Variants in PLD5 observed in about 807,000 individuals in gnomAD.
PLD5 encodes the protein phospholipase D family member 5.
PLD5 carries 36 observed loss-of-function variants against 61.1 expected under a neutral mutation model. The ratio of observed to expected loss-of-function variants is 0.59; its 90% confidence interval spans 0.45 to 0.78. The LOEUF (loss-of-function observed/expected upper bound fraction) is 0.78. PLD5 is among the 30% of genes least tolerant of loss of function. PLD5 has a pLI of 0.00. For synonymous variants in PLD5, 243 were observed against 242.8 expected, an observed-to-expected ratio of 1.00 and a Z score of -0.01; for missense variants, 515 against 644.4, an observed-to-expected ratio of 0.80 and a Z score of 2.17.
At chr1:242,094,425 G>A (rs1273077609) in intron 9 of PLD5, among the ~76,000 whole-genome samples, 1 of 152,156 alleles carries the variant, frequency 6.6e-6, no homozygotes, top group African/African-American at 2.4e-5. Context: ...TAAGTCTTGT[G>A]AAAACTTAGT....
intron 1 of PLD5, among the ~76,000 whole-genome samples, chr1:242,436,513 A>T (rs562024867): frequency 6.6e-6 from 1 of 152,328 alleles, no homozygotes; most frequent in African/African-American, 2.4e-5. Flanking sequence ...CAACACAACT[A>T]TGTTAATTAT....
chr1:242,126,266 C>A (rs1027864545), intron 5 of PLD5, among the ~76,000 whole-genome samples: 7 of 152,130 alleles, frequency 4.6e-5, no homozygotes, highest in African/African-American at 7.2e-5. Flanking sequence ...CAATGCAATT[C>A]CCATCAAAAT....
chr1:242,372,606 T>A (rs1453259830), intron 1 of PLD5, among the ~76,000 whole-genome samples: 1 of 152,006 alleles, frequency 6.6e-6, no homozygotes, highest in African/African-American at 2.4e-5. Context: ...TATAGACCAA[T>A]CAAACAGAAC....
intron 3 of PLD5, among the ~76,000 whole-genome samples, chr1:242,274,608 G>T (rs1674305236): frequency 6.6e-6 from 1 of 152,136 alleles, no homozygotes; most frequent in Admixed American, 6.5e-5. Context: ...CAAAAAATTA[G>T]CCAGGTGTGG....
At chr1:242,199,265 G>A (rs933630781) in intron 5 of PLD5, among the ~76,000 whole-genome samples, 1 of 151,450 alleles carries the variant, frequency 6.6e-6, no homozygotes, top group Non-Finnish European at 1.5e-5. Context: ...TATATTTATG[G>A]GGTTTTTGAG....
intron 1 of PLD5, among the ~76,000 whole-genome samples, chr1:242,496,470 A>G (rs965733353): frequency 6.6e-6 from 1 of 152,252 alleles, no homozygotes; most frequent in Non-Finnish European, 1.5e-5. Flanking sequence ...CTTATCAAAC[A>G]TCACTTGATT....
At position 242,312,288 on chromosome 1, in the gene PLD5, G is replaced by A. The variant is rs1676740790; in HGVS notation, c.327-23758C>T. On this transcript the variant is annotated intron_variant, in intron 2 of 9. Coordinates refer to ENST00000536534, the MANE Select transcript of PLD5 (RefSeq NM_001372062.1). ...ATCTTTTGTTGAAAATTGGGCATTT[G>A]AAAAAAATAGCCACCTCTCCCAGTC... 3.3e-5 allele frequency among the ~76,000 whole-genome samples: 5 copies of A among 150,718 alleles called. No homozygotes were observed. In the South Asian group the frequency reaches 1.1e-3, roughly 32 times the overall value.
At chr1:242,185,211 C>A (rs1444625387) in intron 5 of PLD5, among the ~76,000 whole-genome samples, 1 of 152,096 alleles carries the variant, frequency 6.6e-6, no homozygotes, top group Non-Finnish European at 1.5e-5. Context: ...CAGCCCAGCC[C>A]CACATAGCTA....
intron 1 of PLD5, among the ~76,000 whole-genome samples, chr1:242,456,423 A>T (rs1280676552): frequency 6.6e-6 from 1 of 152,228 alleles, no homozygotes; most frequent in East Asian, 1.9e-4. Flanking sequence ...GCACACATTT[A>T]GAACATGCCC....
chr1:242,529,746 C>T, the PLD5 span, among the ~76,000 whole-genome samples: 1 of 149,734 alleles, frequency 6.7e-6, no homozygotes, highest in Non-Finnish European at 1.5e-5. Context: ...AATTTACTTA[C>T]ACAAGGAGAA....
chr1:242,154,556 G>T (rs1665201136), intron 5 of PLD5, among the ~76,000 whole-genome samples: 1 of 152,050 alleles, frequency 6.6e-6, no homozygotes, highest in Admixed American at 6.6e-5. Context: ...AGCACGAAGG[G>T]GTGTTGAATT....
chr1:242,402,431 G>A (rs1433763800), intron 1 of PLD5, among the ~76,000 whole-genome samples: 3 of 152,184 alleles, frequency 2.0e-5, no homozygotes, highest in Admixed American at 1.3e-4. Flanking sequence ...GATTATAGAT[G>A]TCAAGGTAGC....
intron 1 of PLD5, among the ~76,000 whole-genome samples, chr1:242,404,043 C>T (rs771528206): frequency 1.3e-5 from 2 of 152,178 alleles, no homozygotes; most frequent in Non-Finnish European, 2.9e-5. Flanking sequence ...CTGTAAATAG[C>T]AGGCCTTATG....
chr1:242,425,360 G>C (rs980291205), intron 1 of PLD5, among the ~76,000 whole-genome samples: 4 of 152,118 alleles, frequency 2.6e-5, no homozygotes, highest in African/African-American at 9.7e-5. Context: ...TAACACAATG[G>C]TAAGGATTTG....
chr1:242,360,843 A>C (rs1661027376), intron 1 of PLD5, among the ~76,000 whole-genome samples: 1 of 152,152 alleles, frequency 6.6e-6, no homozygotes, highest in South Asian at 2.1e-4. Context: ...AGACATTATA[A>C]ATGGAAACAA....
At chr1:242,209,243 C>G (rs1375773161) in intron 5 of PLD5, 1 of 152,096 alleles carries the variant, frequency 6.6e-6, no homozygotes, top group Admixed American at 6.6e-5. Flanking sequence ...ACAGACAAAT[C>G]CAGACCCCTG....
At chr1:242,404,888 T>A (rs1272933668) in intron 1 of PLD5, among the ~76,000 whole-genome samples, 2 of 135,492 alleles carry the variant, frequency 1.5e-5, no homozygotes, top group African/African-American at 5.9e-5. Context: ...TTTTTTTTTT[T>A]TTTTTTTTTG....
intron 5 of PLD5, among the ~76,000 whole-genome samples, chr1:242,188,201 G>T (rs755705993): frequency 5.0e-4 from 76 of 152,234 alleles, no homozygotes; most frequent in Non-Finnish European, 9.3e-4. Context: ...AGAGCGGCAA[G>T]AGGGAGGGCG....
At chr1:242,173,001 G>T (rs1469781453) in intron 5 of PLD5, among the ~76,000 whole-genome samples, 2 of 151,758 alleles carry the variant, frequency 1.3e-5, no homozygotes, top group African/African-American at 2.4e-5. Context: ...AACAAGACAG[G>T]GATGCCCTCT....
Sources: allele counts gnomAD v4.1 joint callset (sites outside exome capture counted in the v4.1 genomes callset), GRCh38; gene constraint gnomAD v4.1.1; transcripts MANE v1.5; gene names NCBI Gene and HGNC (gene_info 2026-07-23, HGNC 2026-07-21).